Variants in HS3ST3A1 observed in about 807,000 individuals in gnomAD.
HS3ST3A1 encodes heparan sulfate-glucosamine 3-sulfotransferase 3A1, also known as heparan sulfate glucosamine 3-O-sulfotransferase 3A1.
A neutral mutation model predicts 25.7 loss-of-function variants in HS3ST3A1; 19 were observed. The ratio of observed to expected loss-of-function variants is 0.74; its 90% confidence interval spans 0.52 to 1.08. HS3ST3A1 has a LOEUF of 1.08. Among genes scored for constraint, HS3ST3A1 ranks in the 50% least tolerant of loss-of-function variants. HS3ST3A1 has a pLI of 0.00. For missense variants in HS3ST3A1, 459 were observed against 594.3 expected, an observed-to-expected ratio of 0.77 and a Z score of 2.37; for synonymous variants, 226 against 278.6, an observed-to-expected ratio of 0.81 and a Z score of 1.88.
intron 1 of HS3ST3A1, among the ~76,000 whole-genome samples, chr17:13,586,873 A>AAG (rs1908288825): frequency 9.2e-5 from 2 of 21,650 alleles, no homozygotes; most frequent in African/African-American, 1.7e-4. Flanking sequence ...CTGTCTCACA[A>AAG]AAAAAAAAAA....
chr17:13,510,806 G>C (rs1161603969), intron 1 of HS3ST3A1, among the ~76,000 whole-genome samples: 1 of 152,058 alleles, frequency 6.6e-6, no homozygotes, highest in East Asian at 1.9e-4. Flanking sequence ...CCAGGTTCAA[G>C]TGAGTCTCCT....
At chr17:13,568,856 T>C (rs1907736396) in intron 1 of HS3ST3A1, among the ~76,000 whole-genome samples, 1 of 152,232 alleles carries the variant, frequency 6.6e-6, no homozygotes, top group Non-Finnish European at 1.5e-5. Context: ...AGTTCTTCTG[T>C]TGATTTCTCA....
chr17:13,575,892 G>A (rs916219455), intron 1 of HS3ST3A1, among the ~76,000 whole-genome samples: 23 of 152,198 alleles, frequency 1.5e-4, no homozygotes, highest in African/African-American at 5.1e-4. Flanking sequence ...GCATATTCAC[G>A]GCAAGTCTTT....
chr17:13,518,742 C>T (rs764246366), intron 1 of HS3ST3A1, among the ~76,000 whole-genome samples: 1 of 152,190 alleles, frequency 6.6e-6, no homozygotes, highest in Non-Finnish European at 1.5e-5. Context: ...AGTCAAGGTA[C>T]TTCAGTTATC....
chr17:13,507,156 T>TC (rs1262744857), intron 1 of HS3ST3A1, among the ~76,000 whole-genome samples: 2 of 151,070 alleles, frequency 1.3e-5, no homozygotes, highest in Admixed American at 1.3e-4. Context: ...AAATAATAGA[T>TC]CCAGGGCAGC....
intron 1 of HS3ST3A1, among the ~76,000 whole-genome samples, chr17:13,549,889 T>C (rs1004631185): frequency 2.0e-5 from 3 of 152,250 alleles, no homozygotes; most frequent in Admixed American, 6.5e-5. Context: ...CCTTGATTCA[T>C]TTCTTATTGA....
At chr17:13,556,606 C>A (rs1324591857) in intron 1 of HS3ST3A1, among the ~76,000 whole-genome samples, 2 of 151,876 alleles carry the variant, frequency 1.3e-5, no homozygotes, top group Non-Finnish European at 2.9e-5. Context: ...GTAATCCCAG[C>A]ACTTTGGGAG....
At position 13,599,240 on chromosome 17, in the gene HS3ST3A1, T is replaced by C. The variant is rs183325767; in HGVS notation, c.599+1291A>G. Among the ~76,000 whole-genome samples, 26 of 152,370 alleles carry C rather than the reference T, an allele frequency of 1.7e-4. No individual in the cohort carries two copies. The East Asian group carries it at 5.0e-3, about 29-fold the overall frequency. Reference sequence around the variant, plus strand: ...ATATTAAGGGAAGGTTGTTTGTTTTTTCTTTCCAACAAATGGAAAGTTACT... The same window carrying C: ...ATATTAAGGGAAGGTTGTTTGTTTTCTCTTTCCAACAAATGGAAAGTTACT... On this transcript the variant is annotated intron_variant, in intron 1 of 1. Coordinates refer to ENST00000284110, the MANE Select transcript of HS3ST3A1 (RefSeq NM_006042.3).
intron 1 of HS3ST3A1, among the ~76,000 whole-genome samples, chr17:13,541,223 A>T (rs996324025): frequency 3.3e-5 from 5 of 152,198 alleles, no homozygotes; most frequent in African/African-American, 1.2e-4. Flanking sequence ...GGGGGAAAGA[A>T]AAATTCCAGC....
At chr17:13,598,969 T>TACAGC (rs1018611804) in intron 1 of HS3ST3A1, among the ~76,000 whole-genome samples, 1 of 152,200 alleles carries the variant, frequency 6.6e-6, no homozygotes, top group Non-Finnish European at 1.5e-5. Context: ...TGTGTTCGCT[T>TACAGC]ACAGCACAGT....
intron 1 of HS3ST3A1, among the ~76,000 whole-genome samples, chr17:13,568,871 G>A (rs1907736519): frequency 6.6e-6 from 1 of 152,216 alleles, no homozygotes; most frequent in African/African-American, 2.4e-5. Flanking sequence ...TTCTCAGCTT[G>A]TGGTTCTCAC....
intron 1 of HS3ST3A1, among the ~76,000 whole-genome samples, chr17:13,540,808 G>C (rs1002170133): frequency 1.3e-5 from 2 of 152,202 alleles, no homozygotes; most frequent in Non-Finnish European, 2.9e-5. Flanking sequence ...CTACCCAAAA[G>C]AGCAAAAGGG....
chr17:13,516,027 C>T (rs1906041264), intron 1 of HS3ST3A1, among the ~76,000 whole-genome samples: 2 of 152,172 alleles, frequency 1.3e-5, no homozygotes, highest in South Asian at 2.1e-4. Flanking sequence ...TATATATTCA[C>T]GGGCCTGGCG....
At chr17:13,497,152 CTT>C (rs1905311273) in intron 1 of HS3ST3A1, among the ~76,000 whole-genome samples, 1 of 152,156 alleles carries the variant, frequency 6.6e-6, no homozygotes, top group South Asian at 2.1e-4. Context: ...AAGAAAATAA[CTT>C]TGGTCAAAAT....
At chr17:13,572,579 T>C (rs1448047704) in intron 1 of HS3ST3A1, among the ~76,000 whole-genome samples, 1 of 152,172 alleles carries the variant, frequency 6.6e-6, no homozygotes, top group Non-Finnish European at 1.5e-5. Context: ...GGGCTCACAA[T>C]TGTATTGGCT....
chr17:13,528,139 A>C (rs1906496022), intron 1 of HS3ST3A1, among the ~76,000 whole-genome samples: 1 of 152,192 alleles, frequency 6.6e-6, no homozygotes, highest in Non-Finnish European at 1.5e-5. Context: ...GTTATAATGC[A>C]GTATAAGTAA....
intron 1 of HS3ST3A1, among the ~76,000 whole-genome samples, chr17:13,594,786 C>A (rs903463662): frequency 1.3e-5 from 2 of 151,508 alleles, no homozygotes; most frequent in Non-Finnish European, 2.9e-5. Flanking sequence ...AGGCAAAGTG[C>A]AGCTCATCCT....
At position 13,600,926 on chromosome 17, in the gene HS3ST3A1, G is replaced by A. The variant is rs1437898338; in HGVS notation, c.204C>T (p.Gly68=). The change falls in exon 1 of 2, where the codon GGC becomes GGT. Residue 68 remains glycine, a synonymous_variant. Coordinates refer to ENST00000284110, the MANE Select transcript of HS3ST3A1 (RefSeq NM_006042.3). ...GGGEEAGAPG[G]GVLAGGPREL... is the part of the protein sequence containing the mutation. The stretch of plus-strand genomic sequence containing the variant: ...CCCTCGGGCCTCCGGCCAGGACGCC[G>A]CCACCAGGGGCCCCCGCCTCCTCGC... The A allele has an allele frequency of 6.5e-7, 1 of 1,528,972 alleles. No homozygotes were observed. The highest frequency in any genetic ancestry group is 2.6e-5 in the East Asian group (1 of 38,032). 94.7% of individuals were successfully genotyped at this position (1,528,972 alleles called of 1,614,324 possible).
intron 1 of HS3ST3A1, among the ~76,000 whole-genome samples, chr17:13,576,016 C>T (rs570552364): frequency 2.0e-4 from 30 of 152,348 alleles, no homozygotes; most frequent in Non-Finnish European, 3.4e-4. Flanking sequence ...GTTAAGCCTA[C>T]TGCATTGGTA....
Sources: allele counts gnomAD v4.1 joint callset (sites outside exome capture counted in the v4.1 genomes callset), GRCh38; gene constraint gnomAD v4.1.1; transcripts MANE v1.5; gene names NCBI Gene and HGNC (gene_info 2026-07-23, HGNC 2026-07-21).